The following HVCN1 variants were observed in gnomAD, a reference collection of about 807,000 sequenced individuals.
HVCN1 encodes voltage-gated hydrogen channel 1.
HVCN1 carries 14 observed loss-of-function variants against 29.2 expected under a neutral mutation model. That is an observed-to-expected ratio of 0.48 (90% CI 0.32 to 0.75). The LOEUF is 0.75. Among genes scored for constraint, HVCN1 ranks in the 30% least tolerant of loss-of-function variants. The pLI, the probability that HVCN1 is intolerant of heterozygous loss-of-function variation, is 0.04. For synonymous variants in HVCN1, 131 were observed against 133.2 expected, an observed-to-expected ratio of 0.98 and a Z score of 0.11; for missense variants, 263 against 341.8, an observed-to-expected ratio of 0.77 and a Z score of 1.82.
intron 3 of HVCN1, among the ~76,000 whole-genome samples, chr12:110,679,745 C>G (rs372194412): frequency 1.3e-5 from 2 of 151,802 alleles, no homozygotes; most frequent in Non-Finnish European, 2.9e-5. Context: ...CCCAGCTACT[C>G]GGGAGGCTGA....
intron 2 of HVCN1, among the ~76,000 whole-genome samples, chr12:110,687,259 C>CA (rs1555238933): frequency 1.9e-5 from 2 of 105,276 alleles, no homozygotes; most frequent in Non-Finnish European, 4.0e-5. Flanking sequence ...CAGACCACAC[C>CA]CCCCCCCCCC....
At chr12:110,657,557 T>A (rs2068032201) in intron 4 of HVCN1, among the ~76,000 whole-genome samples, 1 of 151,464 alleles carries the variant, frequency 6.6e-6, no homozygotes, top group South Asian at 2.1e-4. Flanking sequence ...TGGTGACTTG[T>A]ACAACACTGT....
upstream of HVCN1, among the ~76,000 whole-genome samples, chr12:110,694,494 C>T (rs1033318690): frequency 4.6e-5 from 7 of 152,222 alleles, no homozygotes; most frequent in South Asian, 4.1e-4. This position sits in a 1 kb window ranked among gnomAD's most constrained non-coding sequence, Gnocchi z 4.6. Context: ...AGAGGGCTGC[C>T]TCTGCTGGTT....
At chr12:110,687,574 G>A (rs917737449) in intron 2 of HVCN1, among the ~76,000 whole-genome samples, 5 of 152,108 alleles carry the variant, frequency 3.3e-5, no homozygotes, top group Non-Finnish European at 7.4e-5. Flanking sequence ...CTTGGCAGGC[G>A]ATGCTGGGGA....
intron 1 of HVCN1, among the ~76,000 whole-genome samples, 176 bp from the exon 2 acceptor site, chr12:110,688,884 C>T (rs976496068): frequency 6.6e-6 from 1 of 152,216 alleles, no homozygotes; most frequent in African/African-American, 2.4e-5. Context: ...AGGGGAAGCA[C>T]TGCCCGCCCG....
chr12:110,649,711 G>A (rs1433579132), intron 7 of HVCN1, among the ~76,000 whole-genome samples: 2 of 152,212 alleles, frequency 1.3e-5, no homozygotes, highest in African/African-American at 4.8e-5. Context: ...TGTGGGGGTG[G>A]GCACAGCTTC....
upstream of HVCN1, among the ~76,000 whole-genome samples, chr12:110,691,565 T>G (rs2069407176): frequency 1.3e-5 from 2 of 152,144 alleles, no homozygotes; most frequent in Non-Finnish European, 2.9e-5. Flanking sequence ...CAACAGCCCC[T>G]CCTCTGTGTT....
chr12:110,664,822 T>G (rs17625767), intron 3 of HVCN1, among the ~76,000 whole-genome samples: 12,163 of 152,162 alleles, frequency 0.08, 530 homozygotes, highest in Middle Eastern at 0.11. Context: ...TGGAACAAGA[T>G]TTCATGAGGC....
chr12:110,667,455 G>A (rs2068410439), intron 3 of HVCN1, among the ~76,000 whole-genome samples: 1 of 150,528 alleles, frequency 6.6e-6, no homozygotes, highest in South Asian at 2.1e-4. Context: ...TTTTGAGATA[G>A]GGTCTCGCTC....
At chr12:110,654,043 A>T (rs1356034795) in intron 5 of HVCN1, among the ~76,000 whole-genome samples, 1 of 152,232 alleles carries the variant, frequency 6.6e-6, no homozygotes, top group Non-Finnish European at 1.5e-5. Context: ...ATAGTGACAA[A>T]GCAAACACAG....
chr12:110,657,510 A>G (rs2136278533), intron 4 of HVCN1, among the ~76,000 whole-genome samples: 2 of 148,760 alleles, frequency 1.3e-5, no homozygotes, highest in South Asian at 2.1e-4. Flanking sequence ...AGAAAAAAGA[A>G]AAAAAAAAAA....
chr12:110,653,513 A>G (rs1380360938), intron 5 of HVCN1, among the ~76,000 whole-genome samples: 1 of 151,600 alleles, frequency 6.6e-6, no homozygotes, highest in African/African-American at 2.4e-5. Context: ...AGAATATTGG[A>G]ATTCTCTATC....
intron 4 of HVCN1, among the ~76,000 whole-genome samples, chr12:110,656,820 G>A (rs1052266486): frequency 1.3e-5 from 2 of 152,206 alleles, no homozygotes; most frequent in African/African-American, 4.8e-5. Context: ...GCTTTGTAAT[G>A]AAGTTTTCAC....
intron 3 of HVCN1, among the ~76,000 whole-genome samples, chr12:110,670,377 A>G (rs1293268085): frequency 6.6e-6 from 1 of 152,154 alleles, no homozygotes; most frequent in Non-Finnish European, 1.5e-5. Context: ...TCCCTCCCAG[A>G]GCTATTTTGG....
In HVCN1 at chr12:110,661,043, G is replaced by T; in HGVS notation, c.306+121C>A. The T allele has an allele frequency of 1.1e-6, 1 of 950,244 alleles. No individual in the cohort carries two copies. The highest frequency in any genetic ancestry group is 1.6e-6 in the Non-Finnish European group (1 of 617,986). 58.9% of individuals were successfully genotyped at this position (950,244 alleles called of 1,614,324 possible). A position where few individuals can be genotyped will look rare whatever the true frequency, so the allele number is the denominator to read the frequency against. ...GGGTCCCCGGCACGTGGTAGGTGCT[G>T]GGCAAACACTCGTAGAATGAATGAG... is the stretch of plus-strand genomic sequence containing the variant. On this transcript the variant is annotated intron_variant, in intron 4 of 7. Transcript: ENST00000242607. This position sits in a 1 kb window ranked among gnomAD's most constrained non-coding sequence, Gnocchi z 6.2.
intron 3 of HVCN1, among the ~76,000 whole-genome samples, chr12:110,664,875 T>C (rs1241689071): frequency 6.6e-6 from 1 of 152,180 alleles, no homozygotes; most frequent in Non-Finnish European, 1.5e-5. Flanking sequence ...CTTGGGGTGC[T>C]GTGAGCTGAA....
chr12:110,688,730 T>C (rs932928349), intron 1 of HVCN1, 22 bp from the exon 2 acceptor site: 3 of 152,362 alleles, frequency 2.0e-5, no homozygotes, highest in African/African-American at 7.2e-5. Context: ...GAGACGACGA[T>C]GGTCACCTGT....
intron 5 of HVCN1, among the ~76,000 whole-genome samples, chr12:110,654,699 C>T (rs569281865): frequency 1.2e-4 from 19 of 152,160 alleles, no homozygotes; most frequent in African/African-American, 4.1e-4. Flanking sequence ...AGGCTGGTCT[C>T]GAACTCCTGA....
intron 2 of HVCN1, among the ~76,000 whole-genome samples, chr12:110,685,785 A>C (rs1397542045): frequency 1.3e-5 from 2 of 151,556 alleles, no homozygotes; most frequent in Non-Finnish European, 2.9e-5. Flanking sequence ...AAGATCCTGG[A>C]CTCAAGCGAT....
Sources: gnomAD v4.1 joint callset for allele counts (sites outside exome capture counted in the v4.1 genomes callset) on GRCh38, gnomAD v4.1.1 for gene constraint, Gnocchi (gnomAD v3.1) non-coding constraint, MANE v1.5 for transcripts, NCBI Gene and HGNC (gene_info 2026-07-23, HGNC 2026-07-21) for gene names.